ACSM3: variants seen among roughly 807,000 people sequenced by gnomAD.
The protein encoded by ACSM3 is acyl-coenzyme A synthetase ACSM3, mitochondrial.
In ACSM3, 61 loss-of-function variants were observed where a neutral mutation model predicts 74.1. The observed-to-expected ratio is 0.82, with a 90% CI of 0.67 to 1.02. The LOEUF is 1.02. Ranked by LOEUF, ACSM3 falls within the 50% of genes least tolerant of loss-of-function variation. The probability of loss-of-function intolerance (pLI) is 0.00; values close to 1 mark genes in which losing one functional copy is unlikely to be tolerated. For missense variants in ACSM3, 660 were observed against 697.0 expected (o/e 0.95, Z 0.60); for synonymous variants, 213 against 241.5 (o/e 0.88, Z 1.09).
upstream of ACSM3, among the ~76,000 whole-genome samples, chr16:20,762,344 A>T (rs990524815): frequency 6.6e-6 from 1 of 152,202 alleles, no homozygotes; most frequent in African/African-American, 2.4e-5. Context: ...AGAAGAAAAA[A>T]ATCAAAGAAC....
chr16:20,789,327 G>A lies in ACSM3; in HGVS notation c.1225-1260G>A. ...AAAATTCTAACCACATAGGGCTACAGTGAGGAATAGGTACATGTCAAGTAC... is the reference window on the plus strand; with the variant it reads ...AAAATTCTAACCACATAGGGCTACAATGAGGAATAGGTACATGTCAAGTAC... On this transcript the variant is annotated intron_variant, in intron 9 of 13. Transcript: ENST00000289416. 3 of 635,726 alleles carry A rather than the reference G, an allele frequency of 4.7e-6. No homozygotes were observed. The East Asian group carries it at 8.0e-5, about 17-fold the overall frequency. 39.4% of individuals were successfully genotyped at this position (635,726 alleles called of 1,614,324 possible).
chr16:20,784,872 G>A (rs1307360708), intron 7 of ACSM3, 112 bp from the exon 8 acceptor site: 28 of 1,181,186 alleles, frequency 2.4e-5, no homozygotes, highest in Non-Finnish European at 2.8e-5. Flanking sequence ...CTAGGGAGAG[G>A]AATTAAAAAG....
chr16:20,768,444 A>C (rs1255403729), intron 1 of ACSM3, among the ~76,000 whole-genome samples: 1 of 152,182 alleles, frequency 6.6e-6, no homozygotes, highest in Non-Finnish European at 1.5e-5. Flanking sequence ...GTGGGGCCTG[A>C]GAATGTGCAT....
At position 20,682,409 on chromosome 16, in the gene ACSM3, C is replaced by T. The variant is rs750213573; in HGVS notation, c.-190+7587C>T. 1.5e-5 allele frequency: 24 copies of T among 1,613,678 alleles called. No individual in the cohort carries two copies. Among genetic ancestry groups the T allele is most frequent in the African/African-American group, 5.3e-5 (4 of 74,862 alleles). ...GCCCTTGGCTTTAGACAACTGTAGTCGATAGAGAATGTCTTTGGCCTTCAA... is the reference window on the plus strand; with the variant it reads ...GCCCTTGGCTTTAGACAACTGTAGTTGATAGAGAATGTCTTTGGCCTTCAA... On this transcript the variant is annotated intron_variant, in intron 1 of 3. Transcript: ENST00000561584.
intron 1 of ACSM3, chr16:20,698,807 C>T (rs2079704075): frequency 1.3e-5 from 2 of 152,224 alleles, no homozygotes; most frequent in South Asian, 2.1e-4. Flanking sequence ...CAGCACCCAA[C>T]ACCTACCTTA....
intron 6 of ACSM3, 135 bp downstream of exon 6, chr16:20,781,265 T>A: frequency 2.6e-6 from 3 of 1,153,822 alleles, no homozygotes; most frequent in African/African-American, 3.1e-5. Flanking sequence ...AGAAAGTCAA[T>A]AAGCCTGAAA....
In ACSM3 at chr16:20,725,377, C is replaced by G. The variant is rs192672141; in HGVS notation, c.-189-24533C>G. The G allele has an allele frequency of 3.2e-5, 8 of 246,194 alleles. No individual in the cohort carries two copies. The East Asian group carries it at 7.5e-4, about 23-fold the overall frequency. The allele number at this position is 246,194 out of a possible 1,614,324, so 15.3% of individuals were successfully genotyped here. A position where few individuals can be genotyped will look rare whatever the true frequency, so the allele number is the denominator to read the frequency against. Reference sequence around the variant, plus strand: ...CATCATCCAGACACTTACCACTTATCCCATCACAACCCTGTGCAGCCCTCC... The same window carrying G: ...CATCATCCAGACACTTACCACTTATGCCATCACAACCCTGTGCAGCCCTCC... On this transcript the variant is annotated intron_variant, in intron 1 of 3. Transcript: ENST00000561584.
intron 1 of ACSM3, among the ~76,000 whole-genome samples, chr16:20,684,242 A>T (rs992381): frequency 5.3e-5 from 8 of 152,088 alleles, no homozygotes; most frequent in African/African-American, 1.9e-4. Flanking sequence ...ATATTCAATT[A>T]GGTAAAGAAT....
chr16:20,768,229 A>C (rs1238452884), intron 1 of ACSM3, among the ~76,000 whole-genome samples: 1 of 152,224 alleles, frequency 6.6e-6, no homozygotes, highest in Non-Finnish European at 1.5e-5. Flanking sequence ...TGTGAAACTG[A>C]GGTTCAGAGT....
At chr16:20,683,849 T>C (rs2079498936) in intron 1 of ACSM3, among the ~76,000 whole-genome samples, 1 of 152,108 alleles carries the variant, frequency 6.6e-6, no homozygotes, top group Non-Finnish European at 1.5e-5. Flanking sequence ...ATTATAGGCC[T>C]AAGCCACCAC....
intron 12 of ACSM3, among the ~76,000 whole-genome samples, chr16:20,793,948 A>G (rs1000296370): frequency 6.6e-5 from 10 of 152,192 alleles, no homozygotes; most frequent in South Asian, 2.1e-4. Flanking sequence ...GGAAAGGTCT[A>G]TAAGTGGGTT....
At chr16:20,715,146 G>A (rs889036094) in intron 1 of ACSM3, among the ~76,000 whole-genome samples, 2 of 152,148 alleles carry the variant, frequency 1.3e-5, no homozygotes, top group African/African-American at 4.8e-5. Flanking sequence ...CAGATTCTGT[G>A]AAGAAATCCC....
chr16:20,704,078 A>C (rs2079720578), intron 1 of ACSM3, among the ~76,000 whole-genome samples: 1 of 152,182 alleles, frequency 6.6e-6, no homozygotes, highest in African/African-American at 2.4e-5. Context: ...GCTTAGTAAA[A>C]TTTATAAGCA....
At chr16:20,705,753 C>A (rs1203180646) in intron 1 of ACSM3, among the ~76,000 whole-genome samples, 1 of 151,906 alleles carries the variant, frequency 6.6e-6, no homozygotes, top group Non-Finnish European at 1.5e-5. Flanking sequence ...AAAAGAACAT[C>A]AATGAAGAAA....
intron 2 of ACSM3, among the ~76,000 whole-genome samples, chr16:20,754,567 A>G (rs1217360075): frequency 1.3e-5 from 2 of 152,018 alleles, no homozygotes; most frequent in East Asian, 3.9e-4. Flanking sequence ...TTCCACATTC[A>G]CCCTATAAAC....
intron 12 of ACSM3, chr16:20,792,673 T>C (rs776210972): frequency 4.6e-5 from 45 of 985,244 alleles, no homozygotes; most frequent in Non-Finnish European, 5.3e-5. Context: ...GATCAAATTG[T>C]TACCCAGAAG....
intron 1 of ACSM3, chr16:20,737,630 T>C: frequency 6.9e-7 from 1 of 1,448,522 alleles, no homozygotes; most frequent in Admixed American, 2.4e-5. Context: ...AAGCCTTAAA[T>C]CTTTAAAAAG....
chr16:20,721,526 A>G (rs985204721), intron 1 of ACSM3: 1 of 152,200 alleles, frequency 6.6e-6, no homozygotes, highest in Admixed American at 6.5e-5. Flanking sequence ...AACTCCTGCT[A>G]CAACTGTAGT....
chr16:20,718,377 G>A (rs11643620), intron 1 of ACSM3: 67,181 of 924,072 alleles, frequency 0.073, 3,980 homozygotes, highest in Middle Eastern at 0.19. Flanking sequence ...ACAGCTGTGT[G>A]GAAACAGGAA....
Sources: allele counts gnomAD v4.1 joint callset (sites outside exome capture counted in the v4.1 genomes callset), GRCh38; gene constraint gnomAD v4.1.1; transcripts MANE v1.5; gene names NCBI Gene and HGNC (gene_info 2026-07-23, HGNC 2026-07-21).